The following AFG1L variants were observed in gnomAD, a reference collection of about 807,000 sequenced individuals.
AFG1L encodes the protein AFG1-like ATPase.
Under a neutral mutation model 62.2 loss-of-function variants are expected in AFG1L, and 53 were observed. The observed-to-expected ratio is 0.85, with a 90% CI of 0.68 to 1.07. The LOEUF (loss-of-function observed/expected upper bound fraction) is 1.07, where lower values mean the gene tolerates loss of function less well. Among genes scored for constraint, AFG1L ranks in the 50% least tolerant of loss-of-function variants. AFG1L has a pLI of 0.00. For missense variants in AFG1L, 555 were observed against 590.5 expected, an observed-to-expected ratio of 0.94 and a Z score of 0.62; for synonymous variants, 228 against 210.3, an observed-to-expected ratio of 1.08 and a Z score of -0.73.
intron 11 of AFG1L, among the ~76,000 whole-genome samples, chr6:108,518,616 G>T (rs558462790): frequency 2.2e-4 from 34 of 152,062 alleles, no homozygotes; most frequent in African/African-American, 8.2e-4. Context: ...AAACCTGCAC[G>T]TTGTGCACAT....
chr6:108,450,751 A>T lies in AFG1L; in HGVS notation c.890+3455A>T, dbSNP rs555574411. On this transcript the variant is annotated intron_variant, in intron 8 of 12. Transcript: ENST00000368977. The stretch of plus-strand genomic sequence containing the variant: ...GTTTTAGGTCTAACATTTAAGTCTT[A>T]AATCCATCTTGAATTAATTGTTGTA... Among the ~76,000 whole-genome samples, 446 of 152,160 alleles carry T rather than the reference A, an allele frequency of 2.9e-3. 1 individual carries two copies. Among genetic ancestry groups the T allele is most frequent in the African/African-American group, 0.01 (417 of 41,514 alleles).
intron 2 of AFG1L, among the ~76,000 whole-genome samples, chr6:108,338,284 T>C (rs1778546049): frequency 6.6e-6 from 1 of 152,208 alleles, no homozygotes; most frequent in Non-Finnish European, 1.5e-5. Context: ...AGTTTTGCCA[T>C]CTAATTCATA....
intron 11 of AFG1L, among the ~76,000 whole-genome samples, chr6:108,518,597 A>G (rs927347457): frequency 9.2e-5 from 14 of 152,174 alleles, no homozygotes; most frequent in Non-Finnish European, 1.5e-4. Context: ...ACATGTATAC[A>G]TATGTAACAA....
At chr6:108,500,163 GGTGC>G (rs557686036) in intron 10 of AFG1L, among the ~76,000 whole-genome samples, 2,136 of 110,860 alleles carry the variant, frequency 0.019, 58 homozygotes, top group African/African-American at 0.073. Context: ...AGTATTCCAT[GGTGC>G]GTGCGTGTGT....
chr6:108,441,712 A>AAAAAAAATATAT (rs1401294615), intron 7 of AFG1L, among the ~76,000 whole-genome samples: 2 of 139,486 alleles, frequency 1.4e-5, no homozygotes, highest in Admixed American at 1.4e-4. Flanking sequence ...AAAAAAAAAA[A>AAAAAAAATATAT]ATATATATAT....
chr6:108,506,220 T>C (rs560603578), intron 10 of AFG1L, among the ~76,000 whole-genome samples: 1 of 152,294 alleles, frequency 6.6e-6, no homozygotes, highest in East Asian at 1.9e-4. Context: ...TTTTTGTTTG[T>C]TTGTTTTTGA....
At chr6:108,402,892 G>T (rs1781692819) in intron 7 of AFG1L, among the ~76,000 whole-genome samples, 1 of 151,970 alleles carries the variant, frequency 6.6e-6, no homozygotes, top group Admixed American at 6.6e-5. Context: ...TCAAGTTGAG[G>T]CACATAAATT....
chr6:108,510,054 T>G (rs1413180808), intron 10 of AFG1L, among the ~76,000 whole-genome samples, 158 bp from the exon 11 acceptor site: 1 of 152,170 alleles, frequency 6.6e-6, no homozygotes, highest in Non-Finnish European at 1.5e-5. Flanking sequence ...TGCACTGAAG[T>G]GCCTAGGGCA....
chr6:108,427,517 A>ATTTTTT (rs34500468), intron 7 of AFG1L, among the ~76,000 whole-genome samples: 10 of 100,232 alleles, frequency 1.0e-4, no homozygotes, highest in South Asian at 3.1e-4. Context: ...TCAAAATGGA[A>ATTTTTT]TTTTTTTTTT....
intron 2 of AFG1L, among the ~76,000 whole-genome samples, chr6:108,335,986 C>G (rs1778461956): frequency 6.6e-6 from 1 of 152,146 alleles, no homozygotes; most frequent in South Asian, 2.1e-4. Context: ...TGCTAGTAAA[C>G]TGAGCAAGTT....
At chr6:108,488,648 A>G (rs1773658213) in intron 10 of AFG1L, among the ~76,000 whole-genome samples, 1 of 151,932 alleles carries the variant, frequency 6.6e-6, no homozygotes, top group Non-Finnish European at 1.5e-5. Context: ...GCCTGAGCTC[A>G]GGAGTTCGAG....
In AFG1L at chr6:108,525,102, C is replaced by T. The variant is rs187305637; in HGVS notation, c.*2677C>T. On this transcript the variant is annotated 3_prime_UTR_variant, in exon 13 of 13. Coordinates refer to ENST00000368977, the MANE Select transcript of AFG1L (RefSeq NM_145315.5). ...AGTACTGCTGTGGAAAGCTCCTGCT[C>T]AATTCAAAACACAGACCGGGGGGAT... 6.6e-6 allele frequency: 1 copy of T among 152,296 alleles called. No individual in the cohort carries two copies. The highest frequency in any genetic ancestry group is 1.5e-5 in the Non-Finnish European group (1 of 68,034). The allele number at this position is 152,296 out of a possible 1,614,324, so 9.4% of individuals were successfully genotyped here.
At chr6:108,502,113 G>A (rs1438566711) in intron 10 of AFG1L, among the ~76,000 whole-genome samples, 1 of 152,068 alleles carries the variant, frequency 6.6e-6, no homozygotes, top group Non-Finnish European at 1.5e-5. Context: ...TGCAACCTCT[G>A]CCTCCCAGGT....
At chr6:108,418,224 C>A (rs1770414255) in intron 7 of AFG1L, among the ~76,000 whole-genome samples, 1 of 152,202 alleles carries the variant, frequency 6.6e-6, no homozygotes, top group African/African-American at 2.4e-5. Context: ...CCAGGGTGGA[C>A]AAACTATAGC....
At chr6:108,393,748 G>T (rs1261392626) in intron 6 of AFG1L, among the ~76,000 whole-genome samples, 4 of 152,138 alleles carry the variant, frequency 2.6e-5, no homozygotes, top group African/African-American at 7.2e-5. Context: ...TTTCATTAGT[G>T]TAGTATCTTA....
intron 7 of AFG1L, among the ~76,000 whole-genome samples, chr6:108,433,045 T>C (rs1172556708): frequency 1.3e-5 from 2 of 152,218 alleles, no homozygotes; most frequent in Non-Finnish European, 2.9e-5. Flanking sequence ...CATAGAAAAG[T>C]ACTCAGTCTC....
chr6:108,322,229 A>C (rs1476149027), intron 1 of AFG1L, among the ~76,000 whole-genome samples: 1 of 152,126 alleles, frequency 6.6e-6, no homozygotes, highest in Non-Finnish European at 1.5e-5. Context: ...ATTCTTTTAC[A>C]TAAAAATCCA....
At position 108,417,266 on chromosome 6, in the gene AFG1L, G is replaced by GCA. The variant is rs149498434; in HGVS notation, c.807+15233_807+15234dup. On this transcript the variant is annotated intron_variant, in intron 7 of 12. Transcript: ENST00000368977. ...CACACACACACACACACACAGACACGCACACACACACACACACACACAAAA... is the reference window on the plus strand; with the variant it reads ...CACACACACACACACACACAGACACGCACACACACACACACACACACACAAAA... 3.3e-4 allele frequency among the ~76,000 whole-genome samples: 45 copies of GCA among 136,344 alleles called. No homozygotes were observed. The South Asian group carries it at 4.8e-3, about 14-fold the overall frequency. The allele number at this position is 136,344 out of a possible 152,430, so 89.4% of individuals were successfully genotyped here.
intron 8 of AFG1L, among the ~76,000 whole-genome samples, chr6:108,450,125 G>A (rs1012585770): frequency 1.3e-5 from 2 of 152,216 alleles, no homozygotes; most frequent in Middle Eastern, 3.2e-3. Context: ...CCAGTAATGG[G>A]ATGGCTTGAT....
Sources: allele counts gnomAD v4.1 joint callset (sites outside exome capture counted in the v4.1 genomes callset), GRCh38; gene constraint gnomAD v4.1.1; transcripts MANE v1.5; gene names NCBI Gene and HGNC (gene_info 2026-07-23, HGNC 2026-07-21).